The following PRICKLE1 variants were observed in gnomAD, a reference collection of about 807,000 sequenced individuals.
PRICKLE1 encodes the protein prickle-like protein 1.
PRICKLE1 carries 14 observed loss-of-function variants against 70.2 expected under a neutral mutation model. The observed-to-expected ratio is 0.20, with a 90% CI of 0.13 to 0.31. PRICKLE1 has a LOEUF of 0.31. Among genes scored for constraint, PRICKLE1 ranks in the 10% least tolerant of loss-of-function variants. The pLI is 1.00. For missense variants in PRICKLE1, 821 were observed against 1,026.2 expected (o/e 0.80, Z 2.73); for synonymous variants, 357 against 379.9 (o/e 0.94, Z 0.70).
chr12:42,464,341 A>C lies in PRICKLE1; in HGVS notation c.1639+54T>G. The C allele has an allele frequency of 6.2e-7, 1 of 1,611,734 alleles. No homozygotes were observed. Among genetic ancestry groups the C allele is most frequent in the Non-Finnish European group, 8.5e-7 (1 of 1,178,214 alleles). On this transcript the variant is annotated intron_variant, in intron 7 of 7. Transcript: ENST00000345127. The surrounding 1 kb of genome is among the most constrained non-coding windows in gnomAD (Gnocchi z 4.2). ...TGGCTTGAATTGCAATTTTTTGAAT[A>C]CACTTTTTAGTAGCTCCTTTTTTCA...
chr12:42,540,348 T>C (rs535068849), intron 1 of PRICKLE1, among the ~76,000 whole-genome samples: 102 of 152,282 alleles, frequency 6.7e-4, no homozygotes, highest in Non-Finnish European at 1.3e-3. Flanking sequence ...CTCCTCATCA[T>C]GTTGGTCTTA....
intron 1 of PRICKLE1, among the ~76,000 whole-genome samples, chr12:42,547,395 C>A (rs1940233302): frequency 6.6e-6 from 1 of 152,116 alleles, no homozygotes; most frequent in African/African-American, 2.4e-5. Flanking sequence ...GGCCCTTGGG[C>A]AGATTATGTA....
intron 1 of PRICKLE1, among the ~76,000 whole-genome samples, chr12:42,514,277 A>T (rs1208021419): frequency 6.6e-6 from 1 of 152,136 alleles, no homozygotes; most frequent in Non-Finnish European, 1.5e-5. Context: ...CTATTCTGGG[A>T]TTTAAAATCC....
intron 1 of PRICKLE1, among the ~76,000 whole-genome samples, chr12:42,508,238 C>T (rs182262879): frequency 3.2e-3 from 486 of 152,278 alleles, no homozygotes; most frequent in Non-Finnish European, 5.4e-3. Flanking sequence ...GGATCCTCCA[C>T]GCTCATACTG....
At chr12:42,482,735 C>A (rs1188074937) in intron 1 of PRICKLE1, 1 of 152,288 alleles carries the variant, frequency 6.6e-6, no homozygotes, top group African/African-American at 2.4e-5. Flanking sequence ...AAAGGCCGAG[C>A]TTTTAAAAAT....
chr12:42,567,147 A>G (rs999768592), intron 1 of PRICKLE1, among the ~76,000 whole-genome samples: 10 of 152,196 alleles, frequency 6.6e-5, no homozygotes, highest in Admixed American at 2.6e-4. Flanking sequence ...TTCAATCCGG[A>G]TGGTCTATTG....
chr12:42,561,251 C>T (rs753558587), intron 1 of PRICKLE1, among the ~76,000 whole-genome samples: 5 of 152,070 alleles, frequency 3.3e-5, no homozygotes, highest in East Asian at 1.9e-4. Flanking sequence ...GTGTTGCAAG[C>T]GAAAGATCTA....
At chr12:42,556,631 T>C (rs1940417028) in intron 1 of PRICKLE1, among the ~76,000 whole-genome samples, 1 of 152,216 alleles carries the variant, frequency 6.6e-6, no homozygotes, top group Non-Finnish European at 1.5e-5. Context: ...CCTTAATGAA[T>C]CTTTATTAAG....
chr12:42,529,886 A>G (rs1046368218), intron 1 of PRICKLE1, among the ~76,000 whole-genome samples: 1 of 151,928 alleles, frequency 6.6e-6, no homozygotes, highest in Non-Finnish European at 1.5e-5. Flanking sequence ...GTGAGACCTT[A>G]TCAAAAAAAA....
intron 1 of PRICKLE1, among the ~76,000 whole-genome samples, chr12:42,567,507 C>A (rs1174211885): frequency 6.6e-6 from 1 of 152,102 alleles, no homozygotes; most frequent in Non-Finnish European, 1.5e-5. Context: ...GCAAAGATAT[C>A]AATGTCCAAG....
chr12:42,461,716 T>C (rs924340777), intron 7 of PRICKLE1, among the ~76,000 whole-genome samples: 1 of 152,232 alleles, frequency 6.6e-6, no homozygotes, highest in East Asian at 1.9e-4. Context: ...TCTTTTGATA[T>C]AATAGGACCC....
chr12:42,510,285 G>C (rs1457182738), intron 1 of PRICKLE1, among the ~76,000 whole-genome samples: 2 of 151,910 alleles, frequency 1.3e-5, no homozygotes, highest in Non-Finnish European at 2.9e-5. Context: ...TAGTAGAGAT[G>C]GGGTTTCACC....
At chr12:42,500,441 C>T (rs896048817) in intron 1 of PRICKLE1, among the ~76,000 whole-genome samples, 2 of 152,168 alleles carry the variant, frequency 1.3e-5, no homozygotes, top group African/African-American at 4.8e-5. Context: ...TGGATGAGTT[C>T]AGCAACCCAA....
chr12:42,472,184 C>G (rs541845683), intron 2 of PRICKLE1, among the ~76,000 whole-genome samples: 1 of 152,158 alleles, frequency 6.6e-6, no homozygotes, highest in South Asian at 2.1e-4. Flanking sequence ...ACCATGGGTA[C>G]GACGAGATTG....
intron 1 of PRICKLE1, among the ~76,000 whole-genome samples, chr12:42,497,380 C>T (rs977389260): frequency 1.3e-5 from 2 of 151,814 alleles, no homozygotes; most frequent in Non-Finnish European, 2.9e-5. Flanking sequence ...CCTGTCTCTA[C>T]TAAAAATACA....
chr12:42,489,657 T>TAAAAAAAAA (rs71084661), intron 1 of PRICKLE1: 1 of 67,822 alleles, frequency 1.5e-5, no homozygotes, highest in Non-Finnish European at 2.8e-5. Context: ...GAGACTTCTC[T>TAAAAAAAAA]AAAAAAAAAA....
chr12:42,544,320 T>C (rs890039641), intron 1 of PRICKLE1, among the ~76,000 whole-genome samples: 20 of 152,358 alleles, frequency 1.3e-4, no homozygotes, highest in Middle Eastern at 3.4e-3. Flanking sequence ...GCTAATTATA[T>C]AGTAGATGTA....
intron 1 of PRICKLE1, among the ~76,000 whole-genome samples, chr12:42,536,545 G>A (rs1408810708): frequency 6.6e-6 from 1 of 152,128 alleles, no homozygotes; most frequent in East Asian, 1.9e-4. Flanking sequence ...GGCTCCTGGG[G>A]TATGGTTTCC....
At chr12:42,505,047 G>A (rs554626750) in intron 1 of PRICKLE1, among the ~76,000 whole-genome samples, 1 of 152,176 alleles carries the variant, frequency 6.6e-6, no homozygotes, top group Non-Finnish European at 1.5e-5. Flanking sequence ...GCTGAGGCAG[G>A]AGAATCACTT....
Sources: allele counts gnomAD v4.1 joint callset (sites outside exome capture counted in the v4.1 genomes callset), GRCh38; gene constraint gnomAD v4.1.1; non-coding constraint Gnocchi (gnomAD v3.1); transcripts MANE v1.5; gene names NCBI Gene and HGNC (gene_info 2026-07-23, HGNC 2026-07-21).